The following SYNE2 variants were observed in gnomAD, a reference collection of about 807,000 sequenced individuals.
SYNE2 encodes the protein spectrin repeat containing nuclear envelope protein 2, also known as nesprin-2.
Under a neutral mutation model 856.3 loss-of-function variants are expected in SYNE2, and 431 were observed. That is an observed-to-expected ratio of 0.50 (90% CI 0.47 to 0.55). The LOEUF is 0.55. SYNE2 is among the 20% of genes least tolerant of loss of function. The pLI, the probability that SYNE2 is intolerant of heterozygous loss-of-function variation, is 0.00. For missense variants in SYNE2, 8,129 were observed against 8,023.2 expected (o/e 1.01, Z -0.50); for synonymous variants, 2,923 against 2,872.3 (o/e 1.02, Z -0.56).
At chr14:64,053,753 G>A (rs2097246347) in intron 48 of SYNE2, 96 bp downstream of exon 48, 3 of 1,268,928 alleles carry the variant, frequency 2.4e-6, no homozygotes, top group Non-Finnish European at 3.3e-6. Flanking sequence ...GATCACTTGA[G>A]GCCAAGTAGA....
chr14:64,066,138 A>G (rs1219768106), intron 51 of SYNE2, among the ~76,000 whole-genome samples: 1 of 152,208 alleles, frequency 6.6e-6, no homozygotes. Context: ...TATATCAATC[A>G]CAAATGTTAA....
At position 64,097,996 on chromosome 14, in the gene SYNE2, A is replaced by G. The variant is rs752050248; in HGVS notation, c.12156A>G (p.Arg4052=). 3.7e-6 allele frequency: 6 copies of G among 1,614,228 alleles called. No homozygotes were observed. The highest frequency in any genetic ancestry group is 2.2e-5 in the East Asian group (1 of 44,886). The change falls in exon 62 of 116, where the codon AGA becomes AGG. Residue 4052 remains arginine (R), a synonymous_variant. Coordinates refer to ENST00000555002, the MANE Select transcript of SYNE2 (RefSeq NM_182914.3). ...MEKQILSLNQ[R]KEDLLVDLKA... is the part of the protein sequence containing the mutation. ...AACAGATTCTGAGTTTGAACCAGAG[A>G]AAAGAAGACCTGTTGGTGGACTTGA... is the stretch of plus-strand genomic sequence containing the variant.
At chr14:64,157,635 TA>T (rs2098296710) in intron 85 of SYNE2, among the ~76,000 whole-genome samples, 1 of 152,188 alleles carries the variant, frequency 6.6e-6, no homozygotes, top group African/African-American at 2.4e-5. Flanking sequence ...CAACTCTATT[TA>T]ATTTTTTGAG....
At chr14:64,007,320 C>A in intron 31 of SYNE2, 98 bp downstream of exon 31, 1 of 1,106,948 alleles carries the variant, frequency 9.0e-7, no homozygotes, top group Non-Finnish European at 1.4e-6. Flanking sequence ...TCCGTGGACC[C>A]AAAGGAGGGA....
rs1470171537 is a variant in SYNE2, at chr14:64,209,095, A to G, written c.18389+150A>G. 4 of 1,092,450 alleles carry G rather than the reference A, an allele frequency of 3.7e-6. No homozygotes were observed. In the African/African-American group the frequency reaches 6.2e-5, roughly 17 times the overall value. 67.7% of individuals were successfully genotyped at this position (1,092,450 alleles called of 1,614,324 possible). ...AGGCCCAACGCTTATCAAAGGATTT[A>G]TTCAAGAAAAATGTAACCGGAGTAA... On this transcript the variant is annotated intron_variant, in intron 101 of 115. Transcript: ENST00000555002.
In SYNE2 at chr14:63,976,558, T is replaced by TAA; in HGVS notation, c.1129-5_1129-4insAA. ...ATATGTTCTTTTTTTTTTTTTTTTT[T>TAA]TCAGATTAATGCATGGAAAATAAAG... On this transcript the variant is annotated splice_region_variant and splice_polypyrimidine_tract_variant and intron_variant, in intron 11 of 115. Coordinates refer to ENST00000555002, the MANE Select transcript of SYNE2 (RefSeq NM_182914.3). The TAA allele has an allele frequency of 1.9e-6, 3 of 1,575,226 alleles. No homozygotes were observed. The highest frequency in any genetic ancestry group is 1.4e-5 in the African/African-American group (1 of 70,082).
At chr14:63,869,259 G>T (rs893022806) in intron 1 of SYNE2, among the ~76,000 whole-genome samples, 3 of 152,202 alleles carry the variant, frequency 2.0e-5, no homozygotes, top group Non-Finnish European at 4.4e-5. Context: ...AGATAAAAAT[G>T]AGAAGTGCTT....
In SYNE2 at chr14:64,186,498, G is replaced by C; in HGVS notation, c.17631G>C (p.Arg5877=). ...AAACTATGAAGGCGGACTTAACCCG[G>C]CACGTTCTCGTGGAAGATGTGATGG... The part of the protein sequence containing the change: ...ELQTMKADLT[R]HVLVEDVMVL... Residue 5877 remains arginine, a synonymous_variant, in exon 97 of 116, where the codon CGG becomes CGC. Transcript: ENST00000555002. 1 of 1,614,228 alleles carries C rather than the reference G, an allele frequency of 6.2e-7. No homozygotes were observed. The highest frequency in any genetic ancestry group is 1.1e-5 in the South Asian group (1 of 91,086).
intron 68 of SYNE2, among the ~76,000 whole-genome samples, chr14:64,121,732 C>T (rs1342089906): frequency 6.6e-6 from 1 of 152,190 alleles, no homozygotes; most frequent in Non-Finnish European, 1.5e-5. Context: ...TCAGGGTGAA[C>T]TTCTGTAGTT....
At chr14:63,991,956 C>T (rs1011215737) in intron 21 of SYNE2, among the ~76,000 whole-genome samples, 2 of 152,074 alleles carry the variant, frequency 1.3e-5, no homozygotes, top group African/African-American at 4.8e-5. Context: ...TTCTGGGCCT[C>T]AACCCTGTTT....
rs775368857 is a variant in SYNE2 at position 64,126,384 on chromosome 14, C to G, written c.13612C>G (p.Leu4538Val). ...GGATAAAAAATTGTTTGAACTATTCCTGACCCTCAGTCAGTGCCTCAGCAG... is the reference window on the plus strand; with the variant it reads ...GGATAAAAAATTGTTTGAACTATTCGTGACCCTCAGTCAGTGCCTCAGCAG... ...NLDKKLFELF[L>V]TLSQCLSSVE... The change falls in exon 72 of 116, where the codon CTG becomes GTG. Residue 4538 changes from leucine to valine, a missense_variant. Transcript: ENST00000555002. 18 of 1,613,940 alleles carry G rather than the reference C, an allele frequency of 1.1e-5. No individual in the cohort carries two copies. The South Asian group carries it at 1.9e-4, about 17-fold the overall frequency.
intron 45 of SYNE2, among the ~76,000 whole-genome samples, chr14:64,038,323 TGGC>T (rs1359824535): frequency 1.3e-5 from 2 of 149,078 alleles, no homozygotes; most frequent in East Asian, 2.0e-4. Context: ...CTAGATGAGA[TGGC>T]GGCCGGGCAG....
At position 64,126,745 on chromosome 14, in the gene SYNE2, G is replaced by C; in HGVS notation, c.13855G>C (p.Ala4619Pro). 1 of 1,614,108 alleles carries C rather than the reference G, an allele frequency of 6.2e-7. No individual in the cohort carries two copies. Residue 4619 changes from alanine to proline, a missense_variant, in exon 73 of 116, where the codon GCT becomes CCT. Around this residue, in one of 3 missense-constraint regions of SYNE2, gnomAD observed 5,410 missense variants for 5,284.8 expected, o/e 1.02. Transcript: ENST00000555002. Reference sequence around the variant, plus strand: ...TCAAGTCTGCCTGGAGCACACTCAGGCTGCAGCTGTCTGTAGAAGCAAGTC... The same window carrying C: ...TCAAGTCTGCCTGGAGCACACTCAGCCTGCAGCTGTCTGTAGAAGCAAGTC... ...NLQVCLEHTQ[A>P]AAVCRSKSLK...
chr14:64,113,498 A>G lies in SYNE2; in HGVS notation c.12767A>G (p.Asn4256Ser), dbSNP rs552966507. 1.2e-6 allele frequency: 2 copies of G among 1,614,060 alleles called. No homozygotes were observed. The highest frequency in any genetic ancestry group is 1.6e-4 in the Middle Eastern group (1 of 6,080). The change falls in exon 66 of 116, where the codon AAC becomes AGC. Residue 4256 changes from asparagine (N) to serine (S), a missense_variant. Asn to Ser is a conservative substitution (Grantham distance 46, BLOSUM62 1). This residue lies in a region of SYNE2 where 5,410 missense variants were observed against 5,284.8 expected (regional missense o/e 1.02). Coordinates refer to ENST00000555002, the MANE Select transcript of SYNE2 (RefSeq NM_182914.3). ...AELELWLQQA[N>S]VAVEPETLNA... ...CTGGAGCTGTGGCTGCAACAAGCCAACGTGGCAGTTGAGCCGGAAACATTA... is the reference window on the plus strand; with the variant it reads ...CTGGAGCTGTGGCTGCAACAAGCCAGCGTGGCAGTTGAGCCGGAAACATTA...
At chr14:64,089,369 G>GAAAAAAAAAA (rs57358817) in intron 58 of SYNE2, among the ~76,000 whole-genome samples, 11 of 50,474 alleles carry the variant, frequency 2.2e-4, no homozygotes, top group Non-Finnish European at 2.7e-4. Flanking sequence ...TCCGTCTCAG[G>GAAAAAAAAAA]AAAAAAAAAA....
At position 64,223,326 on chromosome 14, in the gene SYNE2, C is replaced by CA. The variant is rs1567698903; in HGVS notation, c.20331dup (p.Gln6778ThrfsTer144). ...AGGTGCATGTTATTGAGAAGAAACT[C>CA]AAACAGTTACGGGAGCAAGTGTCCC... On this transcript the variant is annotated frameshift_variant, in exon 113 of 116. Transcript: ENST00000555002. LOFTEE classifies it high-confidence loss of function. 2 of 1,614,140 alleles carry CA rather than the reference C, an allele frequency of 1.2e-6. No homozygotes were observed. The highest frequency in any genetic ancestry group is 1.7e-5 in the Admixed American group (1 of 60,034).
intron 66 of SYNE2, among the ~76,000 whole-genome samples, chr14:64,116,636 G>A (rs1456876960): frequency 3.3e-5 from 5 of 152,094 alleles, no homozygotes; most frequent in South Asian, 2.1e-4. Flanking sequence ...GGGTGATCTC[G>A]AACTCCTGAC....
At chr14:64,171,844 C>A (rs896483804) in intron 94 of SYNE2, among the ~76,000 whole-genome samples, 1 of 152,150 alleles carries the variant, frequency 6.6e-6, no homozygotes, top group African/African-American at 2.4e-5. Flanking sequence ...CAGCATGACA[C>A]TGTTTGCTTG....
chr14:64,155,978 A>C (rs1206139352), intron 85 of SYNE2, among the ~76,000 whole-genome samples: 2 of 152,112 alleles, frequency 1.3e-5, no homozygotes, highest in African/African-American at 4.8e-5. Flanking sequence ...TAACCTCTCT[A>C]AGCCTCGATT....
Sources: gnomAD v4.1 joint callset for allele counts (sites outside exome capture counted in the v4.1 genomes callset) on GRCh38, gnomAD v4.1.1 for gene constraint, gnomAD v4.1.1 regional missense constraint, MANE v1.5 for transcripts, NCBI Gene and HGNC (gene_info 2026-07-23, HGNC 2026-07-21) for gene names.